SLC71A2: variants seen among roughly 807,000 people sequenced by gnomAD.
SLC71A2 encodes the protein hippocampus abundant transcript-like 1.
the SLC71A2 span, among the ~76,000 whole-genome samples, chr9:94,430,079 A>AT: frequency 1.3e-5 from 2 of 150,756 alleles, no homozygotes; most frequent in Non-Finnish European, 3.0e-5. Context: ...TGATTTTTGT[A>AT]TTTTTAGTAG....
the SLC71A2 span, among the ~76,000 whole-genome samples, chr9:94,435,007 A>G: frequency 6.6e-6 from 1 of 152,154 alleles, no homozygotes; most frequent in Non-Finnish European, 1.5e-5. Context: ...ACAGCTCAGT[A>G]TATCAGCACT....
the SLC71A2 span, among the ~76,000 whole-genome samples, chr9:94,458,907 C>T: frequency 1.3e-5 from 2 of 152,300 alleles, no homozygotes; most frequent in South Asian, 4.1e-4. Context: ...TATAGGTAAA[C>T]AGCTGTTGCT....
At chr9:94,421,272 A>G in the SLC71A2 span, among the ~76,000 whole-genome samples, 5 of 152,198 alleles carry the variant, frequency 3.3e-5, no homozygotes, top group African/African-American at 1.2e-4. Context: ...AGAAAGATGT[A>G]CAAATTATAA....
the SLC71A2 span, among the ~76,000 whole-genome samples, chr9:94,414,752 C>G: frequency 8.5e-5 from 13 of 152,234 alleles, no homozygotes; most frequent in Non-Finnish European, 1.8e-4. Flanking sequence ...CTCCGGCACC[C>G]GGGTTCAAGC....
the SLC71A2 span, among the ~76,000 whole-genome samples, chr9:94,442,872 C>CA: frequency 6.6e-6 from 1 of 150,970 alleles, no homozygotes; most frequent in Admixed American, 6.6e-5. Context: ...CCCAAAACTC[C>CA]AAAAATTAAC....
chr9:94,438,110 G>C, the SLC71A2 span, among the ~76,000 whole-genome samples: 4 of 151,906 alleles, frequency 2.6e-5, no homozygotes, highest in African/African-American at 9.7e-5. Flanking sequence ...TTGTAATTTT[G>C]TATTTTTAGT....
chr9:94,391,491 C>G, the SLC71A2 span, among the ~76,000 whole-genome samples: 1 of 151,580 alleles, frequency 6.6e-6, no homozygotes, highest in Non-Finnish European at 1.5e-5. Context: ...CAGTACAGTA[C>G]TATCACTAGA....
chr9:94,418,969 G>A, the SLC71A2 span, among the ~76,000 whole-genome samples: 3 of 151,996 alleles, frequency 2.0e-5, no homozygotes, highest in Admixed American at 6.5e-5. Flanking sequence ...GTTTTCGTCT[G>A]CAATATTCAA....
the SLC71A2 span, among the ~76,000 whole-genome samples, chr9:94,426,554 A>G: frequency 6.6e-6 from 1 of 152,032 alleles, no homozygotes; most frequent in African/African-American, 2.4e-5. Flanking sequence ...AATGCTGTAA[A>G]TTTAATTTCA....
chr9:94,394,923 T>TTG, the SLC71A2 span, among the ~76,000 whole-genome samples: 2 of 85,952 alleles, frequency 2.3e-5, no homozygotes, highest in Non-Finnish European at 2.5e-5. Flanking sequence ...TTGTTTTTTT[T>TTG]TTTTTTTTGA....
chr9:94,395,930 C>T, the SLC71A2 span, among the ~76,000 whole-genome samples: 11 of 151,654 alleles, frequency 7.3e-5, no homozygotes, highest in African/African-American at 2.4e-4. Context: ...GAGGAGTGGG[C>T]AGTGTAGGAA....
the SLC71A2 span, chr9:94,440,986 TG>T: frequency 6.3e-7 from 1 of 1,593,538 alleles, no homozygotes. Context: ...TTTTTATAGG[TG>T]GTATTTTGCG....
the SLC71A2 span, among the ~76,000 whole-genome samples, chr9:94,401,620 G>A: frequency 1.7e-4 from 26 of 152,076 alleles, no homozygotes; most frequent in African/African-American, 5.8e-4. Context: ...ACAGTTCCAG[G>A]ATTGGTCCTT....
At chr9:94,402,482 C>G in the SLC71A2 span, among the ~76,000 whole-genome samples, 1 of 152,146 alleles carries the variant, frequency 6.6e-6, no homozygotes, top group Non-Finnish European at 1.5e-5. Context: ...AAAAGAGTCC[C>G]TATATCTTTC....
At chr9:94,398,592 G>A in the SLC71A2 span, among the ~76,000 whole-genome samples, 6 of 151,768 alleles carry the variant, frequency 4.0e-5, no homozygotes, top group Admixed American at 6.6e-5. Context: ...GCTAAATCAC[G>A]GAGGTTTGGG....
At chr9:94,452,904 G>T in the SLC71A2 span, among the ~76,000 whole-genome samples, 4 of 151,586 alleles carry the variant, frequency 2.6e-5, no homozygotes, top group Admixed American at 2.6e-4. Flanking sequence ...TTATGGTACT[G>T]CCTAGGGGTT....
At chr9:94,423,501 G>C in the SLC71A2 span, among the ~76,000 whole-genome samples, 8 of 151,998 alleles carry the variant, frequency 5.3e-5, no homozygotes, top group African/African-American at 1.7e-4. Context: ...CACCACTATG[G>C]TTACTTGCCA....
chr9:94,460,890 A>G, the SLC71A2 span: 2 of 152,128 alleles, frequency 1.3e-5, no homozygotes, highest in African/African-American at 4.8e-5. Context: ...AAGCTTCCTA[A>G]TGCATAATAA....
chr9:94,381,710 C>G, the SLC71A2 span, among the ~76,000 whole-genome samples: 1 of 152,172 alleles, frequency 6.6e-6, no homozygotes, highest in Non-Finnish European at 1.5e-5. Flanking sequence ...GTGGCTCATG[C>G]GTGTAATCCC....
Sources: gnomAD v4.1 joint callset for allele counts (sites outside exome capture counted in the v4.1 genomes callset) on GRCh38, gnomAD v4.1.1 for gene constraint, MANE v1.5 for transcripts, NCBI Gene and HGNC (gene_info 2026-07-23, HGNC 2026-07-21) for gene names.